TRIML2: variants seen among roughly 807,000 people sequenced by gnomAD.
The protein encoded by TRIML2 is tripartite motif family like 2.
Under a neutral mutation model 31.2 loss-of-function variants are expected in TRIML2, and 28 were observed. That is an observed-to-expected ratio of 0.90 (90% CI 0.66 to 1.23). TRIML2 has a LOEUF of 1.23. TRIML2 is among the 50% of genes most tolerant of loss of function. TRIML2 has a pLI of 0.00. For missense variants in TRIML2, 536 were observed against 528.3 expected, an observed-to-expected ratio of 1.01 and a Z score of -0.14; for synonymous variants, 187 against 197.5, an observed-to-expected ratio of 0.95 and a Z score of 0.45.
At chr4:188,103,533 C>A (rs796438619) in intron 3 of TRIML2, among the ~76,000 whole-genome samples, 6 of 152,196 alleles carry the variant, frequency 3.9e-5, no homozygotes, top group African/African-American at 1.4e-4. Flanking sequence ...GGCCTTTCCT[C>A]TGCCTAGAAT....
intron 7 of TRIML2, chr4:188,092,951 T>C: frequency 2.2e-6 from 1 of 452,026 alleles, no homozygotes; most frequent in East Asian, 7.0e-5. Flanking sequence ...TCTCCTTCAC[T>C]GCCCCCAGGT....
intron 4 of TRIML2, among the ~76,000 whole-genome samples, chr4:188,099,801 G>A (rs1241454627): frequency 6.6e-6 from 1 of 152,060 alleles, no homozygotes; most frequent in Non-Finnish European, 1.5e-5. Flanking sequence ...TTTTTCTGTG[G>A]CTGTTTGTTC....
chr4:188,098,762 G>T, intron 5 of TRIML2: 4 of 396,698 alleles, frequency 1.0e-5, no homozygotes, highest in Non-Finnish European at 1.8e-5. Context: ...TTCATTGCAT[G>T]GAGGTATTAA....
chr4:188,093,143 T>C (rs187576249), intron 7 of TRIML2: 35 of 257,580 alleles, frequency 1.4e-4, no homozygotes, highest in Non-Finnish European at 2.6e-4. Flanking sequence ...GCTTCAGTTG[T>C]CTAAGCCATA....
At chr4:188,099,341 C>T (rs112012837) in intron 4 of TRIML2, among the ~76,000 whole-genome samples, 166 bp from the exon 5 acceptor site, 1,814 of 152,200 alleles carry the variant, frequency 0.012, 41 homozygotes, top group African/African-American at 0.042. Context: ...CCAAGGCCGG[C>T]GGATCATGAG....
In TRIML2 at chr4:188,101,215, A is replaced by G; in HGVS notation, c.321T>C (p.Ser107=). 6.2e-7 allele frequency: 1 copy of G among 1,612,446 alleles called. No individual in the cohort carries two copies. ...ACAACCGGAGTCTCATACTATACTC[A>G]GACTCAATCATCTTTTTAAAATTTT... is the stretch of plus-strand genomic sequence containing the variant. ...EEQNFKKMIE[S]EYSMRLRLLN... The change falls in exon 4 of 8, where the codon TCT becomes TCC. Residue 107 remains serine (S), a synonymous_variant. Coordinates refer to ENST00000682553, the MANE Select transcript of TRIML2 (RefSeq NM_173553.4).
Position 188,101,115 on chromosome 4 carries a change from G to T in TRIML2, c.421C>A (p.Leu141Met). The change falls in exon 4 of 8, where the codon CTG becomes ATG. Residue 141 changes from leucine to methionine, a missense_variant. Coordinates refer to ENST00000682553, the MANE Select transcript of TRIML2 (RefSeq NM_173553.4). Reference protein sequence around the residue: ...ISDLNLRETLLNQAIKLATEL... With the variant: ...ISDLNLRETLMNQAIKLATEL... ...GTGGCAAGCTTGATCGCTTGATTCA[G>T]AAGGGTTTCTCTCAGGTTCAAGTCA... 6.2e-7 allele frequency: 1 copy of T among 1,613,706 alleles called. No individual in the cohort carries two copies. Among genetic ancestry groups the T allele is most frequent in the Non-Finnish European group, 8.5e-7 (1 of 1,179,864 alleles).
At chr4:188,096,438 A>G (rs1213260156) in intron 7 of TRIML2, among the ~76,000 whole-genome samples, 1 of 142,392 alleles carries the variant, frequency 7.0e-6, no homozygotes, top group Non-Finnish European at 1.5e-5. Flanking sequence ...AGGCCGAGGC[A>G]GGAGAATCAC....
chr4:188,093,659 T>C (rs1394353072), intron 7 of TRIML2, among the ~76,000 whole-genome samples: 1 of 150,332 alleles, frequency 6.7e-6, no homozygotes, highest in East Asian at 2.1e-4. Context: ...GAGGCTCATC[T>C]CAAAAACAAA....
chr4:188,105,036 T>C (rs1560955778), intron 2 of TRIML2, 104 bp from the exon 3 acceptor site: 3 of 1,405,040 alleles, frequency 2.1e-6, no homozygotes, highest in Non-Finnish European at 1.0e-6. Flanking sequence ...TCTTAGCCTT[T>C]AGGTTGAAGG....
chr4:188,093,325 ACT>A (rs1344315481), intron 7 of TRIML2, among the ~76,000 whole-genome samples: 1 of 152,006 alleles, frequency 6.6e-6, no homozygotes, highest in East Asian at 1.9e-4. Context: ...ATTGTCTGAG[ACT>A]CTCAGTATTT....
At chr4:188,100,579 G>A (rs772376111) in intron 4 of TRIML2, among the ~76,000 whole-genome samples, 7 of 152,248 alleles carry the variant, frequency 4.6e-5, no homozygotes, top group East Asian at 3.9e-4. Flanking sequence ...AAAATTAGCC[G>A]GGCGTAGTGG....
chr4:188,106,954 A>T lies in TRIML2; in HGVS notation c.-222-1364T>A, dbSNP rs1734068587. On this transcript the variant is annotated intron_variant, in intron 1 of 7. Coordinates refer to ENST00000682553, the MANE Select transcript of TRIML2 (RefSeq NM_173553.4). ...CTTTGTAATTCTGGCTTTCTCTATT[A>T]AAAAAGCCACTTAGCTCGAAAACTT... 5 of 192,590 alleles carry T rather than the reference A, an allele frequency of 2.6e-5. No homozygotes were observed. In the South Asian group the frequency reaches 5.8e-4, roughly 22 times the overall value. The allele number at this position is 192,590 out of a possible 1,614,324, so 11.9% of individuals were successfully genotyped here. A position where few individuals can be genotyped will look rare whatever the true frequency, so the allele number is the denominator to read the frequency against.
chr4:188,104,604 C>T (rs1204749052), intron 3 of TRIML2, among the ~76,000 whole-genome samples: 2 of 152,132 alleles, frequency 1.3e-5, no homozygotes, highest in South Asian at 2.1e-4. Flanking sequence ...CTCAAGTGAT[C>T]CGCCCTCCTC....
chr4:188,095,693 T>C (rs1045867100), intron 7 of TRIML2, among the ~76,000 whole-genome samples: 6 of 152,138 alleles, frequency 3.9e-5, no homozygotes, highest in African/African-American at 1.2e-4. Flanking sequence ...GAAAACAAGT[T>C]TGGCAATCCC....
chr4:188,097,259 C>T, intron 6 of TRIML2, 65 bp downstream of exon 6: 7 of 1,601,514 alleles, frequency 4.4e-6, no homozygotes, highest in Non-Finnish European at 6.0e-6. Flanking sequence ...TGCAATCTCC[C>T]TATCTCAATC....
chr4:188,101,336 T>A, intron 3 of TRIML2, 86 bp from the exon 4 acceptor site: 2 of 689,288 alleles, frequency 2.9e-6, no homozygotes, highest in Non-Finnish European at 4.6e-6. Flanking sequence ...GATATCTATA[T>A]CTATATATAG....
Position 188,105,535 on chromosome 4 carries a change from A to T in TRIML2, c.-167T>A. 2 of 500,532 alleles carry T rather than the reference A, an allele frequency of 4.0e-6. No individual in the cohort carries two copies. The highest frequency in any genetic ancestry group is 7.0e-6 in the Non-Finnish European group (2 of 287,444). The allele number at this position is 500,532 out of a possible 1,614,324, so 31.0% of individuals were successfully genotyped here. A position where few individuals can be genotyped will look rare whatever the true frequency, so the allele number is the denominator to read the frequency against. The stretch of plus-strand genomic sequence containing the variant: ...TCCAAGGAAATAAGTCCACGCAGAC[A>T]GAGCGGGTCGGCGCTCTGGACTCCT... On this transcript the variant is annotated 5_prime_UTR_variant, in exon 2 of 8. Transcript: ENST00000682553.
chr4:188,101,026 A>G, intron 4 of TRIML2, 30 bp downstream of exon 4: 2 of 1,554,852 alleles, frequency 1.3e-6, no homozygotes, highest in Non-Finnish European at 1.7e-6. Context: ...TCATTTCTCA[A>G]ATATGAGGAT....
Sources: allele counts gnomAD v4.1 joint callset (sites outside exome capture counted in the v4.1 genomes callset), GRCh38; gene constraint gnomAD v4.1.1; transcripts MANE v1.5; gene names NCBI Gene and HGNC (gene_info 2026-07-23, HGNC 2026-07-21).